Variants in TMEM132C observed in about 807,000 individuals in gnomAD.
TMEM132C encodes protein phosphatase 1, regulatory subunit 152.
TMEM132C carries 29 observed loss-of-function variants against 61.4 expected under a neutral mutation model. The observed-to-expected ratio is 0.47, with a 90% CI of 0.35 to 0.64. The LOEUF (loss-of-function observed/expected upper bound fraction) is 0.64, where lower values mean the gene tolerates loss of function less well. TMEM132C is among the 30% of genes least tolerant of loss of function. TMEM132C has a pLI of 0.00. For synonymous variants in TMEM132C, 656 were observed against 633.1 expected (o/e 1.04, Z -0.54); for missense variants, 1,408 against 1,476.9 (o/e 0.95, Z 0.76).
intron 4 of TMEM132C, among the ~76,000 whole-genome samples, chr12:128,633,689 A>G (rs1004399161): frequency 2.6e-5 from 4 of 152,212 alleles, no homozygotes; most frequent in African/African-American, 9.7e-5. Context: ...CCAAAAAGAG[A>G]TGTTTGGGAA....
intron 1 of TMEM132C, among the ~76,000 whole-genome samples, chr12:128,295,325 A>T (rs1299171918): frequency 6.6e-6 from 1 of 152,160 alleles, no homozygotes; most frequent in Non-Finnish European, 1.5e-5. Context: ...GTGTGAGTCA[A>T]CACACCCAGT....
At chr12:128,317,884 T>G (rs1157449174) in intron 1 of TMEM132C, among the ~76,000 whole-genome samples, 1 of 152,026 alleles carries the variant, frequency 6.6e-6, no homozygotes, top group Admixed American at 6.6e-5. Flanking sequence ...GGTGATAGAG[T>G]GAGATTCTGT....
chr12:128,658,926 T>C (rs1954357415), intron 4 of TMEM132C, among the ~76,000 whole-genome samples: 1 of 152,196 alleles, frequency 6.6e-6, no homozygotes, highest in Admixed American at 6.5e-5. Flanking sequence ...TCAGAGGCTG[T>C]AACCACTGAA....
At chr12:128,578,371 C>T (rs1875200632) in intron 3 of TMEM132C, among the ~76,000 whole-genome samples, 9 of 152,212 alleles carry the variant, frequency 5.9e-5, no homozygotes. Context: ...CACCAGCCCT[C>T]CCTCACCTCC....
intron 1 of TMEM132C, among the ~76,000 whole-genome samples, chr12:128,312,388 C>A (rs1872001757): frequency 6.6e-6 from 1 of 152,010 alleles, no homozygotes; most frequent in African/African-American, 2.4e-5. Flanking sequence ...TCACTGCAGC[C>A]CCAACTTCCC....
chr12:128,501,472 A>T (rs1872177859), intron 2 of TMEM132C, among the ~76,000 whole-genome samples: 1 of 152,314 alleles, frequency 6.6e-6, no homozygotes, highest in South Asian at 2.1e-4. Flanking sequence ...CAGGGTTATC[A>T]TCCTTATAAT....
At chr12:128,285,567 A>G (rs1293489865) in intron 1 of TMEM132C, among the ~76,000 whole-genome samples, 2 of 152,178 alleles carry the variant, frequency 1.3e-5, no homozygotes, top group Non-Finnish European at 2.9e-5. Context: ...AAGATTGACT[A>G]AAAGAGGAGA....
intron 4 of TMEM132C, among the ~76,000 whole-genome samples, chr12:128,628,549 A>G (rs567567043): frequency 1.7e-3 from 259 of 152,374 alleles, no homozygotes; most frequent in African/African-American, 6.0e-3. Context: ...ATGACCAAAT[A>G]AAATGCATGT....
In TMEM132C at chr12:128,502,674, G is replaced by A. The variant is rs150907347; in HGVS notation, c.975-41283G>A. 7.3e-3 allele frequency among the ~76,000 whole-genome samples: 1,115 copies of A among 152,270 alleles called. 13 individuals are homozygous for A. The highest frequency in any genetic ancestry group is 0.026 in the African/African-American group (1,067 of 41,542). Reference sequence around the variant, plus strand: ...AAGATTCACATAAGTGAAGACATCGGCAATTGGCAGCCTCTTGGTTTGTCT... The same window carrying A: ...AAGATTCACATAAGTGAAGACATCGACAATTGGCAGCCTCTTGGTTTGTCT... On this transcript the variant is annotated intron_variant, in intron 2 of 8. Coordinates refer to ENST00000435159, the MANE Select transcript of TMEM132C (RefSeq NM_001136103.3).
At chr12:128,300,694 C>G (rs763483751) in intron 1 of TMEM132C, among the ~76,000 whole-genome samples, 5 of 152,144 alleles carry the variant, frequency 3.3e-5, no homozygotes, top group Non-Finnish European at 5.9e-5. Flanking sequence ...AATATGGAAT[C>G]TTGGCTGATA....
At chr12:128,588,577 CTGAG>C (rs35861043) in intron 3 of TMEM132C, among the ~76,000 whole-genome samples, 11,898 of 152,112 alleles carry the variant, frequency 0.078, 594 homozygotes, top group African/African-American at 0.13. Context: ...GTGCTATGGA[CTGAG>C]TGTTTGTGTC....
At chr12:128,575,233 A>C (rs544122162) in intron 3 of TMEM132C, among the ~76,000 whole-genome samples, 2 of 152,314 alleles carry the variant, frequency 1.3e-5, no homozygotes, top group South Asian at 4.1e-4. Flanking sequence ...TAATCCCAAC[A>C]CTTTGGGGGG....
intron 3 of TMEM132C, among the ~76,000 whole-genome samples, chr12:128,608,925 A>T (rs572384213): frequency 1.3e-5 from 2 of 152,238 alleles, no homozygotes; most frequent in South Asian, 4.1e-4. Context: ...TTCTTTTTTC[A>T]TCTTTTCATG....
intron 1 of TMEM132C, among the ~76,000 whole-genome samples, chr12:128,313,371 G>C (rs1872039506): frequency 6.6e-6 from 1 of 152,164 alleles, no homozygotes; most frequent in South Asian, 2.1e-4. Context: ...GGCACCCCCA[G>C]TCTCTATCTT....
intron 1 of TMEM132C, among the ~76,000 whole-genome samples, chr12:128,341,359 G>A (rs192203967): frequency 7.0e-4 from 107 of 152,240 alleles, no homozygotes; most frequent in Non-Finnish European, 1.2e-3. Context: ...ATTTTAATTT[G>A]GAGTAGTAAA....
At chr12:128,571,724 T>C (rs1022457233) in intron 3 of TMEM132C, among the ~76,000 whole-genome samples, 22 of 152,244 alleles carry the variant, frequency 1.4e-4, no homozygotes, top group Admixed American at 6.5e-5. Flanking sequence ...CTGAAATCTG[T>C]TGCAGAGTCC....
chr12:128,302,299 G>T (rs1387563817), intron 1 of TMEM132C, among the ~76,000 whole-genome samples: 3 of 152,152 alleles, frequency 2.0e-5, no homozygotes, highest in African/African-American at 7.2e-5. Flanking sequence ...TCACAGTGCT[G>T]GCTGATCTTA....
intron 2 of TMEM132C, among the ~76,000 whole-genome samples, chr12:128,500,164 A>G (rs1416194381): frequency 6.6e-6 from 1 of 152,216 alleles, no homozygotes; most frequent in African/African-American, 2.4e-5. Flanking sequence ...CAGGCAAAAC[A>G]ACCCAGTTGC....
At chr12:128,382,075 C>T (rs1874419396) in intron 1 of TMEM132C, among the ~76,000 whole-genome samples, 1 of 150,222 alleles carries the variant, frequency 6.7e-6, no homozygotes, top group Non-Finnish European at 1.5e-5. Context: ...ATAATACATT[C>T]ATACTTTAAT....
Sources: gnomAD v4.1 joint callset for allele counts (sites outside exome capture counted in the v4.1 genomes callset) on GRCh38, gnomAD v4.1.1 for gene constraint, MANE v1.5 for transcripts, NCBI Gene and HGNC (gene_info 2026-07-23, HGNC 2026-07-21) for gene names.